Variants in CDK14 observed in about 807,000 individuals in gnomAD.
CDK14 encodes cyclin dependent kinase 14.
Under a neutral mutation model 60.7 loss-of-function variants are expected in CDK14, and 34 were observed. The observed-to-expected ratio is 0.56, with a 90% CI of 0.43 to 0.75. The LOEUF is 0.75. CDK14 is among the 30% of genes least tolerant of loss of function. The pLI is 0.00. For missense variants in CDK14, 482 were observed against 564.1 expected (o/e 0.85, Z 1.47); for synonymous variants, 197 against 203.7 (o/e 0.97, Z 0.28).
intron 9 of CDK14, among the ~76,000 whole-genome samples, chr7:90,970,729 T>C (rs1481456171): frequency 6.6e-6 from 1 of 152,232 alleles, no homozygotes; most frequent in African/African-American, 2.4e-5. Flanking sequence ...AAGGTTTCCA[T>C]GGAGACTGCT....
Position 90,614,836 on chromosome 7 carries a change from A to T in CDK14, c.123+10587A>T, listed in dbSNP as rs556795184. Among the ~76,000 whole-genome samples, 91 of 152,090 alleles carry T rather than the reference A, an allele frequency of 6.0e-4. 1 individual carries two copies. The highest frequency in any genetic ancestry group is 1.0e-3 in the South Asian group (5 of 4,820). ...CCTGGGAATTTTCTTAAAATTAATT[A>T]ATTTATTTATTTATTTTGCCTTGGT... On this transcript the variant is annotated intron_variant, in intron 2 of 14. Coordinates refer to ENST00000380050, the MANE Select transcript of CDK14 (RefSeq NM_001287135.2).
At chr7:90,731,136 T>C (rs1016115202) in intron 3 of CDK14, among the ~76,000 whole-genome samples, 3 of 110,486 alleles carry the variant, frequency 2.7e-5, no homozygotes, top group African/African-American at 9.8e-5. Context: ...TTTGTTTTTG[T>C]CAGGTTTGTC....
At chr7:91,081,718 C>T (rs1798488422) in intron 12 of CDK14, among the ~76,000 whole-genome samples, 1 of 152,048 alleles carries the variant, frequency 6.6e-6, no homozygotes, top group Non-Finnish European at 1.5e-5. Context: ...TAGGCAATTC[C>T]CTGCTGACTT....
intron 6 of CDK14, among the ~76,000 whole-genome samples, chr7:90,878,084 G>T (rs1791621597): frequency 2.0e-5 from 3 of 151,302 alleles, no homozygotes; most frequent in Admixed American, 2.0e-4. Context: ...GTGTGTGTGT[G>T]TGTGTGTGTG....
chr7:90,899,463 T>C, intron 7 of CDK14, 110 bp downstream of exon 7: 1 of 705,352 alleles, frequency 1.4e-6, no homozygotes, highest in Non-Finnish European at 2.2e-6. Context: ...ATTTTTTGTG[T>C]AAAGAGAAGG....
intron 3 of CDK14, among the ~76,000 whole-genome samples, chr7:90,730,123 C>G (rs1474596755): frequency 1.3e-5 from 2 of 152,016 alleles, no homozygotes; most frequent in East Asian, 3.9e-4. Flanking sequence ...TTCTGTTCTT[C>G]TCTTAGTTTG....
At chr7:91,193,225 G>C (rs55811977) in intron 14 of CDK14, among the ~76,000 whole-genome samples, 1 of 152,128 alleles carries the variant, frequency 6.6e-6, no homozygotes, top group African/African-American at 2.4e-5. Flanking sequence ...GTAATCCTGA[G>C]GTTCTTGACC....
intron 14 of CDK14, among the ~76,000 whole-genome samples, chr7:91,144,210 G>A (rs113990321): frequency 0.019 from 2,821 of 152,216 alleles, 52 homozygotes; most frequent in Non-Finnish European, 0.023. Flanking sequence ...TTACTGAGAA[G>A]CTCCAGAACC....
intron 5 of CDK14, among the ~76,000 whole-genome samples, chr7:90,809,419 C>A (rs957851927): frequency 2.4e-4 from 36 of 152,014 alleles, no homozygotes; most frequent in Admixed American, 1.2e-3. Flanking sequence ...TTCTTTGAAA[C>A]CAACGAGAAC....
chr7:90,778,956 T>A (rs1805181890), intron 4 of CDK14, among the ~76,000 whole-genome samples: 1 of 151,600 alleles, frequency 6.6e-6, no homozygotes, highest in African/African-American at 2.4e-5. Context: ...CTTTTCTCTT[T>A]TTTAAGACAT....
At chr7:90,821,243 A>C (rs1171592021) in intron 5 of CDK14, among the ~76,000 whole-genome samples, 1 of 152,156 alleles carries the variant, frequency 6.6e-6, no homozygotes. Flanking sequence ...ACACAGCTAT[A>C]AGGAAGTGAG....
intron 11 of CDK14, among the ~76,000 whole-genome samples, chr7:91,069,277 G>C (rs1798068428): frequency 6.6e-6 from 1 of 152,168 alleles, no homozygotes; most frequent in Non-Finnish European, 1.5e-5. Flanking sequence ...AGCGGCTCGT[G>C]CTTGTAATCT....
chr7:90,730,772 G>A (rs1272995589), intron 3 of CDK14, among the ~76,000 whole-genome samples: 1 of 152,156 alleles, frequency 6.6e-6, no homozygotes, highest in African/African-American at 2.4e-5. Flanking sequence ...CAGATGGATA[G>A]ATTATAAAAA....
intron 11 of CDK14, among the ~76,000 whole-genome samples, chr7:91,073,389 A>G (rs894093299): frequency 2.6e-5 from 4 of 152,226 alleles, no homozygotes; most frequent in African/African-American, 9.6e-5. Context: ...AGAATTTCAT[A>G]TCCAGCCAAA....
At chr7:91,130,755 A>C (rs1173086038) in intron 14 of CDK14, among the ~76,000 whole-genome samples, 4 of 152,112 alleles carry the variant, frequency 2.6e-5, no homozygotes, top group African/African-American at 9.7e-5. Context: ...CAAATCTTGA[A>C]AGACTTTTAC....
At chr7:90,814,683 G>A (rs1211057901) in intron 5 of CDK14, among the ~76,000 whole-genome samples, 5 of 152,212 alleles carry the variant, frequency 3.3e-5, no homozygotes, top group African/African-American at 1.2e-4. Flanking sequence ...TAGGGAGGCA[G>A]GAGAATTGCT....
intron 8 of CDK14, among the ~76,000 whole-genome samples, chr7:90,948,377 T>C (rs1472738586): frequency 2.6e-5 from 4 of 152,228 alleles, no homozygotes; most frequent in Admixed American, 2.0e-4. Context: ...AGATGTGATA[T>C]GGGATTGTTG....
At chr7:91,144,541 A>T (rs1164001218) in intron 14 of CDK14, among the ~76,000 whole-genome samples, 1 of 152,226 alleles carries the variant, frequency 6.6e-6, no homozygotes, top group Non-Finnish European at 1.5e-5. Context: ...ATAGATTCAG[A>T]CAGCTTTCCC....
chr7:90,841,653 T>C (rs1790293884), intron 5 of CDK14, among the ~76,000 whole-genome samples: 2 of 30,026 alleles, frequency 6.7e-5, no homozygotes, highest in Admixed American at 3.9e-4. Flanking sequence ...ATCATATATA[T>C]ATATGTACAC....
Sources: allele counts gnomAD v4.1 joint callset (sites outside exome capture counted in the v4.1 genomes callset), GRCh38; gene constraint gnomAD v4.1.1; transcripts MANE v1.5; gene names NCBI Gene and HGNC (gene_info 2026-07-23, HGNC 2026-07-21).